The following GABRP variants were observed in gnomAD, a reference collection of about 807,000 sequenced individuals.
GABRP encodes the protein gamma-aminobutyric acid type A receptor subunit pi.
Under a neutral mutation model 47.8 loss-of-function variants are expected in GABRP, and 52 were observed. The ratio of observed to expected loss-of-function variants is 1.09; its 90% CI spans 0.87 to 1.37. The LOEUF (loss-of-function observed/expected upper bound fraction) is 1.37. Among genes scored for constraint, GABRP ranks in the 40% most tolerant of loss-of-function variants. GABRP has a pLI of 0.00. For missense variants in GABRP, 525 were observed against 542.8 expected (o/e 0.97, Z 0.33); for synonymous variants, 221 against 205.8 (o/e 1.07, Z -0.63).
chr5:170,805,742 T>G lies in GABRP; in HGVS notation c.568T>G (p.Phe190Val). ...SWGYDGNDVE[F>V]TWLRGNDSVR... ...GGGCTATGATGGAAATGATGTGGAG[T>G]TCACCTGGCTGAGAGGGAACGACTC... Residue 190 changes from phenylalanine (F) to valine (V), a missense_variant, in exon 7 of 10, where the codon TTC becomes GTC. Transcript: ENST00000265294. 1 of 1,614,126 alleles carries G rather than the reference T, an allele frequency of 6.2e-7. No individual in the cohort carries two copies. The highest frequency in any genetic ancestry group is 8.5e-7 in the Non-Finnish European group (1 of 1,180,034).
At chr5:170,794,147 T>C in intron 3 of GABRP, 84 bp from the exon 4 acceptor site, 1 of 818,404 alleles carries the variant, frequency 1.2e-6, no homozygotes, top group East Asian at 2.8e-5. Flanking sequence ...TTTTGTAATT[T>C]TAATCTTTTT....
At chr5:170,784,254 A>G (rs932997853) in intron 1 of GABRP, among the ~76,000 whole-genome samples, 2 of 152,228 alleles carry the variant, frequency 1.3e-5, no homozygotes, top group Non-Finnish European at 2.9e-5. Flanking sequence ...TGATAAGGAT[A>G]GGAAAACTGT....
chr5:170,807,146 A>G (rs973157330), intron 7 of GABRP, among the ~76,000 whole-genome samples: 12 of 151,720 alleles, frequency 7.9e-5, no homozygotes, highest in African/African-American at 2.2e-4. Flanking sequence ...ATGAGGTTAC[A>G]TCATGTTTCC....
intron 3 of GABRP, among the ~76,000 whole-genome samples, chr5:170,790,289 G>T (rs1394337383): frequency 6.6e-6 from 1 of 152,140 alleles, no homozygotes; most frequent in African/African-American, 2.4e-5. Context: ...AAGTGGTTTA[G>T]CCTTCTGTGC....
chr5:170,794,801 A>C (rs1023269300), intron 4 of GABRP, among the ~76,000 whole-genome samples: 28 of 151,896 alleles, frequency 1.8e-4, no homozygotes, highest in Non-Finnish European at 3.8e-4. Flanking sequence ...ATTCCAGATA[A>C]ATCGTGGACA....
At chr5:170,810,812 T>C (rs1363364203) in intron 9 of GABRP, among the ~76,000 whole-genome samples, 1 of 152,070 alleles carries the variant, frequency 6.6e-6, no homozygotes, top group Non-Finnish European at 1.5e-5. Context: ...TTCATAGTCA[T>C]GTCATCCAAG....
chr5:170,799,755 T>C (rs1402584075), intron 6 of GABRP, among the ~76,000 whole-genome samples: 2 of 152,246 alleles, frequency 1.3e-5, no homozygotes, highest in Non-Finnish European at 2.9e-5. Context: ...GATTGTAGTT[T>C]CTTTTGCTGT....
chr5:170,808,768 A>G lies in GABRP; in HGVS notation c.832+16A>G. The G allele has an allele frequency of 1.2e-6, 2 of 1,611,096 alleles. No homozygotes were observed. Among genetic ancestry groups the G allele is most frequent in the Non-Finnish European group, 1.7e-6 (2 of 1,178,588 alleles). On this transcript the variant is annotated intron_variant, in intron 8 of 9. Coordinates refer to ENST00000265294, the MANE Select transcript of GABRP (RefSeq NM_014211.3). Reference sequence around the variant, plus strand: ...ACCTGCATTGGTAAGCAGCTCCAACAGGAGATTTCTAAGAACTGGCTTATC... The same window carrying G: ...ACCTGCATTGGTAAGCAGCTCCAACGGGAGATTTCTAAGAACTGGCTTATC...
chr5:170,795,110 G>A (rs1765389243), intron 4 of GABRP, 98 bp from the exon 5 acceptor site: 2 of 814,624 alleles, frequency 2.5e-6, no homozygotes, highest in South Asian at 2.9e-5. Flanking sequence ...CTAAGTGGAG[G>A]TGGGGAGGGG....
chr5:170,800,681 C>G (rs916724371), intron 6 of GABRP, among the ~76,000 whole-genome samples: 1 of 152,186 alleles, frequency 6.6e-6, no homozygotes, highest in African/African-American at 2.4e-5. Flanking sequence ...CACAGTGGCT[C>G]ACGCCTATAA....
intron 7 of GABRP, among the ~76,000 whole-genome samples, chr5:170,807,254 T>C (rs1311601186): frequency 2.0e-5 from 3 of 152,180 alleles, no homozygotes; most frequent in Non-Finnish European, 4.4e-5. Context: ...GGCTTTATTT[T>C]CCAAAATTTA....
rs1336167569 is a variant in GABRP, at chr5:170,809,613, G to A, written c.878G>A (p.Arg293His). 1.1e-5 allele frequency: 17 copies of A among 1,614,072 alleles called. No homozygotes were observed. In the East Asian group the frequency reaches 1.3e-4, roughly 13 times the overall value. Residue 293 changes from arginine to histidine, a missense_variant, in exon 9 of 10, where the codon CGC (arginine) becomes CAC (histidine). Arg to His is a conservative substitution (Grantham distance 29). Coordinates refer to ENST00000265294, the MANE Select transcript of GABRP (RefSeq NM_014211.3). ...LSMTTLMIGS[R>H]TSLPNTNCFI... Reference sequence around the variant, plus strand: ...ATGACCACACTGATGATCGGGTCCCGCACTTCTCTTCCCAACACCAACTGC... The same window carrying A: ...ATGACCACACTGATGATCGGGTCCCACACTTCTCTTCCCAACACCAACTGC...
At chr5:170,804,762 G>A (rs1480749806) in intron 6 of GABRP, among the ~76,000 whole-genome samples, 2 of 151,802 alleles carry the variant, frequency 1.3e-5, no homozygotes, top group African/African-American at 4.8e-5. Context: ...CATAGACTTT[G>A]GGATTAAACT....
chr5:170,810,004 G>A, intron 9 of GABRP: 1 of 701,074 alleles, frequency 1.4e-6, no homozygotes, highest in Non-Finnish European at 2.6e-6. Flanking sequence ...TTATCTGTAT[G>A]CAGCATAAAA....
intron 3 of GABRP, among the ~76,000 whole-genome samples, chr5:170,789,744 C>T (rs1261576627): frequency 6.6e-6 from 1 of 152,160 alleles, no homozygotes; most frequent in Non-Finnish European, 1.5e-5. Context: ...GTCTGCCATT[C>T]TCATCCACCC....
chr5:170,792,983 AAG>A (rs1468005038), intron 3 of GABRP, among the ~76,000 whole-genome samples: 2 of 152,152 alleles, frequency 1.3e-5, no homozygotes, highest in African/African-American at 4.8e-5. Flanking sequence ...AGGATTACGG[AAG>A]AGAGGGGGAA....
chr5:170,811,452 G>A (rs566026802), intron 9 of GABRP, among the ~76,000 whole-genome samples: 18 of 152,010 alleles, frequency 1.2e-4, no homozygotes, highest in South Asian at 2.1e-4. Flanking sequence ...ATTATCTCTC[G>A]TAATCAGTTA....
At chr5:170,782,785 C>T (rs370168396), upstream of GABRP, 27 of 152,382 alleles carry the variant, frequency 1.8e-4, no homozygotes, top group African/African-American at 5.1e-4. Context: ...AAGGAGATGC[C>T]TCTGGGCCTC....
At chr5:170,792,055 A>AG (rs1765287381) in intron 3 of GABRP, among the ~76,000 whole-genome samples, 1 of 152,104 alleles carries the variant, frequency 6.6e-6, no homozygotes, top group Non-Finnish European at 1.5e-5. Context: ...ACCTCTTAAC[A>AG]CTCTTACAAT....
Sources: gnomAD v4.1 joint callset for allele counts (sites outside exome capture counted in the v4.1 genomes callset) on GRCh38, gnomAD v4.1.1 for gene constraint, MANE v1.5 for transcripts, NCBI Gene and HGNC (gene_info 2026-07-23, HGNC 2026-07-21) for gene names.